The following LRMDA variants were observed in gnomAD, a reference collection of about 807,000 sequenced individuals.
The protein encoded by LRMDA is leucine-rich melanocyte differentiation-associated protein.
In LRMDA, 18 loss-of-function variants were observed where a neutral mutation model predicts 29.8. That is an observed-to-expected ratio of 0.60 (90% CI 0.42 to 0.90). LRMDA has a LOEUF of 0.90. LRMDA is among the 40% of genes least tolerant of loss of function. LRMDA has a pLI of 0.00. For missense variants in LRMDA, 273 were observed against 273.9 expected, an observed-to-expected ratio of 1.00 and a Z score of 0.02; for synonymous variants, 125 against 109.4, an observed-to-expected ratio of 1.14 and a Z score of -0.89.
chr10:75,838,199 T>C (rs956511031), intron 2 of LRMDA, among the ~76,000 whole-genome samples: 1 of 152,214 alleles, frequency 6.6e-6, no homozygotes, highest in Admixed American at 6.5e-5. Flanking sequence ...TGAGCGTGGC[T>C]TTATCGAATA....
At chr10:76,419,747 T>C (rs1842054119) in intron 6 of LRMDA, among the ~76,000 whole-genome samples, 1 of 152,138 alleles carries the variant, frequency 6.6e-6, no homozygotes, top group African/African-American at 2.4e-5. Flanking sequence ...TCTGTTCAGG[T>C]CTTTTATCCA....
At chr10:76,224,903 T>G (rs1240599822) in intron 5 of LRMDA, among the ~76,000 whole-genome samples, 1 of 152,046 alleles carries the variant, frequency 6.6e-6, no homozygotes, top group Non-Finnish European at 1.5e-5. Flanking sequence ...ATGCTTTTTC[T>G]TAACAATATA....
chr10:76,240,666 T>A lies in LRMDA; in HGVS notation c.517-83735T>A, dbSNP rs187357568. Among the ~76,000 whole-genome samples, 322 of 150,918 alleles carry A rather than the reference T, an allele frequency of 2.1e-3. 2 individuals are homozygous for A. The highest frequency in any genetic ancestry group is 7.1e-3 in the African/African-American group (293 of 41,282). ...AAAATAACTCATTATATGAAAATGATACTTGAACATGCATGTTTATGGCAG... is the reference window on the plus strand; with the variant it reads ...AAAATAACTCATTATATGAAAATGAAACTTGAACATGCATGTTTATGGCAG... On this transcript the variant is annotated intron_variant, in intron 5 of 6. Coordinates refer to ENST00000611255, the MANE Select transcript of LRMDA (RefSeq NM_001305581.2).
chr10:76,382,427 G>A (rs546461179), intron 6 of LRMDA, among the ~76,000 whole-genome samples: 1 of 152,292 alleles, frequency 6.6e-6, no homozygotes, highest in African/African-American at 2.4e-5. Flanking sequence ...TGCAAAAGAA[G>A]CAGAGCACAG....
At chr10:76,210,733 A>G (rs536272645) in intron 5 of LRMDA, among the ~76,000 whole-genome samples, 2 of 152,252 alleles carry the variant, frequency 1.3e-5, no homozygotes, top group East Asian at 3.9e-4. Flanking sequence ...AAGTCACTTG[A>G]TTTCTTTGGA....
chr10:75,726,007 A>C (rs1842627285), intron 2 of LRMDA, among the ~76,000 whole-genome samples: 1 of 152,168 alleles, frequency 6.6e-6, no homozygotes, highest in Non-Finnish European at 1.5e-5. Context: ...TGTGGCTCTT[A>C]TCTCCAAGGG....
intron 2 of LRMDA, among the ~76,000 whole-genome samples, chr10:75,817,094 G>A (rs1250823061): frequency 1.3e-5 from 2 of 152,172 alleles, no homozygotes; most frequent in Non-Finnish European, 2.9e-5. Context: ...TCTGACATTT[G>A]TTCAGCAGCA....
intron 6 of LRMDA, among the ~76,000 whole-genome samples, chr10:76,528,945 G>A (rs1048961139): frequency 6.6e-6 from 1 of 152,140 alleles, no homozygotes; most frequent in Admixed American, 6.5e-5. Context: ...CAACAGCATA[G>A]GGGCTCTGTG....
chr10:76,233,291 T>C (rs1304625532), intron 5 of LRMDA, among the ~76,000 whole-genome samples: 1 of 152,248 alleles, frequency 6.6e-6, no homozygotes, highest in Non-Finnish European at 1.5e-5. Flanking sequence ...TAACATTATG[T>C]CTAAATAAAC....
chr10:75,569,852 C>CG (rs1463727211), intron 2 of LRMDA, among the ~76,000 whole-genome samples: 1 of 152,196 alleles, frequency 6.6e-6, no homozygotes, highest in African/African-American at 2.4e-5. Context: ...CAGTGAGAAA[C>CG]CACATTTTAA....
chr10:75,750,721 C>A (rs541721075), intron 2 of LRMDA, among the ~76,000 whole-genome samples: 1 of 114,130 alleles, frequency 8.8e-6, no homozygotes, highest in Admixed American at 9.0e-5. Context: ...CCAGACGGGG[C>A]GGGGGGGCAG....
intron 2 of LRMDA, among the ~76,000 whole-genome samples, chr10:75,745,952 G>A (rs1343856504): frequency 6.6e-6 from 1 of 152,166 alleles, no homozygotes; most frequent in Non-Finnish European, 1.5e-5. Context: ...TACCACACAG[G>A]TATCACATTA....
At chr10:76,096,594 T>G (rs1474758169) in intron 5 of LRMDA, among the ~76,000 whole-genome samples, 10 of 152,164 alleles carry the variant, frequency 6.6e-5, no homozygotes, top group Non-Finnish European at 1.2e-4. Flanking sequence ...GGTATTCTAG[T>G]TCTTTTGCAT....
At chr10:75,884,435 T>C (rs1385064137) in intron 2 of LRMDA, among the ~76,000 whole-genome samples, 1 of 152,160 alleles carries the variant, frequency 6.6e-6, no homozygotes, top group African/African-American at 2.4e-5. Flanking sequence ...ATCTGAATTA[T>C]AGACAAGGAG....
At chr10:75,511,773 T>G (rs1434387409) in intron 2 of LRMDA, among the ~76,000 whole-genome samples, 2 of 152,356 alleles carry the variant, frequency 1.3e-5, no homozygotes, top group East Asian at 3.9e-4. Flanking sequence ...TCCCTTCATA[T>G]GAGGCACTTT....
At chr10:76,347,017 T>C (rs1841116906) in intron 6 of LRMDA, among the ~76,000 whole-genome samples, 1 of 152,206 alleles carries the variant, frequency 6.6e-6, no homozygotes, top group African/African-American at 2.4e-5. Context: ...TAGTGAAGCA[T>C]GGAAATAATG....
At chr10:76,361,626 A>G (rs908041923) in intron 6 of LRMDA, among the ~76,000 whole-genome samples, 8 of 152,192 alleles carry the variant, frequency 5.3e-5, no homozygotes, top group African/African-American at 1.7e-4. Context: ...TACTTAAGGC[A>G]GAAAAATCAT....
At chr10:75,715,634 G>A (rs1306274487) in intron 2 of LRMDA, among the ~76,000 whole-genome samples, 3 of 152,074 alleles carry the variant, frequency 2.0e-5, no homozygotes, top group Non-Finnish European at 2.9e-5. Flanking sequence ...TATTTTGCCA[G>A]TCTTAAATTT....
At chr10:76,170,147 G>A (rs2132191277) in intron 5 of LRMDA, among the ~76,000 whole-genome samples, 1 of 152,292 alleles carries the variant, frequency 6.6e-6, no homozygotes, top group South Asian at 2.1e-4. Flanking sequence ...AGCGGATCAG[G>A]GCTGGAAAAG....
Sources: allele counts gnomAD v4.1 joint callset (sites outside exome capture counted in the v4.1 genomes callset), GRCh38; gene constraint gnomAD v4.1.1; transcripts MANE v1.5; gene names NCBI Gene and HGNC (gene_info 2026-07-23, HGNC 2026-07-21).